Variants in ZEB2 observed in about 807,000 individuals in gnomAD.
ZEB2 encodes the protein zinc finger E-box-binding homeobox 2.
A neutral mutation model predicts 99.9 loss-of-function variants in ZEB2; 6 were observed. The observed-to-expected ratio is 0.06, with a 90% confidence interval of 0.03 to 0.12. The LOEUF (loss-of-function observed/expected upper bound fraction) is 0.12. Among genes scored for constraint, ZEB2 ranks in the 10% least tolerant of loss-of-function variants. The pLI, the probability that ZEB2 is intolerant of heterozygous loss-of-function variation, is 1.00. For missense variants in ZEB2, 969 were observed against 1,502.8 expected (o/e 0.64, Z 5.87); for synonymous variants, 517 against 542.5 (o/e 0.95, Z 0.65).
At chr2:144,425,220 T>G (rs1266893647) in intron 3 of ZEB2, among the ~76,000 whole-genome samples, 1 of 152,332 alleles carries the variant, frequency 6.6e-6, no homozygotes, top group South Asian at 2.1e-4. Context: ...AGAGGCATGC[T>G]GGCTGCTATG....
chr2:144,513,820 A>C (rs867129823), intron 2 of ZEB2: 1 of 1,535,916 alleles, frequency 6.5e-7, no homozygotes, highest in Middle Eastern at 1.7e-4. Flanking sequence ...AGTGGGGTAT[A>C]ATCAGGGGAA....
chr2:144,458,185 A>C (rs1296295663), intron 2 of ZEB2, among the ~76,000 whole-genome samples: 1 of 151,980 alleles, frequency 6.6e-6, no homozygotes, highest in Non-Finnish European at 1.5e-5. Context: ...ACCACCACAC[A>C]ACTTCACACT....
Position 144,398,525 on chromosome 2 carries a change from G to A in ZEB2, c.2662C>T (p.Pro888Ser). ...GTGTATAAAGGTTTGGCACTAAATG[G>A]GTTCATGCTGAACACTGGGTTAGTG... ...KSTNPVFSMN[P>S]FSAKPLYTAL... Residue 888 changes from proline to serine, a missense_variant, in exon 8 of 10, where the codon CCA becomes TCA. Transcript: ENST00000627532. 2 of 1,613,980 alleles carry A rather than the reference G, an allele frequency of 1.2e-6. No individual in the cohort carries two copies. The highest frequency in any genetic ancestry group is 8.5e-7 in the Non-Finnish European group (1 of 1,179,984).
chr2:144,468,322 C>T (rs556750316), intron 2 of ZEB2, among the ~76,000 whole-genome samples: 41 of 152,224 alleles, frequency 2.7e-4, no homozygotes, highest in African/African-American at 9.9e-4. Context: ...CTAAGTTGGA[C>T]ACAAAAAGCA....
intron 7 of ZEB2, 142 bp downstream of exon 7, chr2:144,401,057 C>G (rs1703302882): frequency 2.6e-6 from 2 of 769,830 alleles, no homozygotes; most frequent in South Asian, 2.9e-5. Flanking sequence ...CTCATGAACA[C>G]AAATCAGGCA....
In ZEB2 at chr2:144,399,965, C is replaced by T. The variant is rs770190727; in HGVS notation, c.1222G>A (p.Gly408Arg). The T allele has an allele frequency of 9.3e-6, 15 of 1,614,194 alleles. No individual in the cohort carries two copies. The highest frequency in any genetic ancestry group is 1.7e-5 in the Admixed American group (1 of 60,022). ...NDYKVLMATH[G>R]FSGTSPFMNG... ...ATAAAGGGACTAGTGCCACTAAACC[C>T]GTGTGTAGCCATAAGAACTTTATAG... The change falls in exon 8 of 10, where the codon GGG becomes AGG. Residue 408 changes from glycine to arginine, a missense_variant. Physicochemically the swap from Gly to Arg is moderately radical, Grantham distance 125. This residue lies in a region of ZEB2 where 227 missense variants were observed against 278.2 expected (regional missense o/e 0.82). Coordinates refer to ENST00000627532, the MANE Select transcript of ZEB2 (RefSeq NM_014795.4). The surrounding 1 kb of genome is among the most constrained non-coding windows in gnomAD (Gnocchi z 5.6).
At chr2:144,426,792 C>T (rs1703695796) in intron 3 of ZEB2, 1 of 152,174 alleles carries the variant, frequency 6.6e-6, no homozygotes, top group Non-Finnish European at 1.5e-5. Flanking sequence ...CTTTGATTCA[C>T]TGAGCATCAA....
At chr2:144,407,561 C>A (rs988227) in intron 4 of ZEB2, among the ~76,000 whole-genome samples, 151,729 of 152,348 alleles carry the variant, frequency 1, 75,559 homozygotes, top group East Asian at 1. Flanking sequence ...TCAGATCTAT[C>A]AAAAAATCAC....
At chr2:144,515,331 T>C (rs1705114688) in intron 2 of ZEB2, among the ~76,000 whole-genome samples, 1 of 152,080 alleles carries the variant, frequency 6.6e-6, no homozygotes, top group South Asian at 2.1e-4. Flanking sequence ...ACAACAGACA[T>C]TGATTTTAGA....
At chr2:144,481,647 T>C (rs1704514527) in intron 2 of ZEB2, among the ~76,000 whole-genome samples, 1 of 152,184 alleles carries the variant, frequency 6.6e-6, no homozygotes, top group African/African-American at 2.4e-5. Context: ...ACAAAAAATT[T>C]TTGATGTGAA....
At chr2:144,435,298 T>C (rs1703822801) in intron 2 of ZEB2, among the ~76,000 whole-genome samples, 1 of 152,128 alleles carries the variant, frequency 6.6e-6, no homozygotes, top group African/African-American at 2.4e-5. Context: ...GCTGGTAATA[T>C]GACTTCAAAT....
intron 2 of ZEB2, among the ~76,000 whole-genome samples, chr2:144,443,717 TTTG>T (rs1488880840): frequency 6.6e-6 from 1 of 152,218 alleles, no homozygotes; most frequent in African/African-American, 2.4e-5. Context: ...CACCACAGTA[TTTG>T]TTCTCACAGA....
At chr2:144,409,164 C>T (rs1271094351) in intron 4 of ZEB2, among the ~76,000 whole-genome samples, 1 of 151,972 alleles carries the variant, frequency 6.6e-6, no homozygotes, top group Non-Finnish European at 1.5e-5. Flanking sequence ...TTCCGTGAGC[C>T]AAGAAACTTC....
intron 2 of ZEB2, among the ~76,000 whole-genome samples, chr2:144,434,732 A>G (rs1403163967): frequency 6.6e-6 from 1 of 152,198 alleles, no homozygotes. Context: ...GAGTTATAGA[A>G]GCCTACCAAT....
rs767646648 is a variant in ZEB2, at chr2:144,404,947, C to T, written c.481G>A (p.Val161Ile). Residue 161 changes from valine (V) to isoleucine (I), a missense_variant, in exon 5 of 10, where the codon GTC (valine) becomes ATC (isoleucine). This residue lies in a region of ZEB2 where 173 missense variants were observed against 217.7 expected (regional missense o/e 0.79). Transcript: ENST00000627532. ...CGCTGAAGGTACTCCTCGATGCTGA[C>T]TGCATGACCATCGCGTTCCTCCAGT... ...RKLEERDGHA[V>I]SIEEYLQRSD... 3.1e-6 allele frequency: 5 copies of T among 1,614,140 alleles called. No homozygotes were observed. In the African/African-American group the frequency reaches 6.7e-5, roughly 22 times the overall value.
At chr2:144,480,062 A>C (rs1282332759) in intron 2 of ZEB2, among the ~76,000 whole-genome samples, 1 of 152,166 alleles carries the variant, frequency 6.6e-6, no homozygotes, top group Non-Finnish European at 1.5e-5. Context: ...CAACGAATAA[A>C]ATACACTCTG....
intron 2 of ZEB2, among the ~76,000 whole-genome samples, chr2:144,448,548 G>A (rs1228243555): frequency 2.0e-5 from 3 of 152,164 alleles, no homozygotes; most frequent in Non-Finnish European, 4.4e-5. Context: ...GCTAAAAAGG[G>A]CCTTTATGGT....
At chr2:144,496,684 C>T (rs1704764318) in intron 2 of ZEB2, 2 of 152,254 alleles carry the variant, frequency 1.3e-5, no homozygotes, top group South Asian at 4.1e-4. Flanking sequence ...CTTTCTAAAC[C>T]TTAATTTCCT....
At chr2:144,509,881 C>A (rs527942077) in intron 2 of ZEB2, among the ~76,000 whole-genome samples, 2 of 152,076 alleles carry the variant, frequency 1.3e-5, no homozygotes, top group Non-Finnish European at 2.9e-5. Context: ...GGTCTGCCTG[C>A]GAGGGTTTAA....
Sources: gnomAD v4.1 joint callset for allele counts (sites outside exome capture counted in the v4.1 genomes callset) on GRCh38, gnomAD v4.1.1 for gene constraint, gnomAD v4.1.1 regional missense constraint, Gnocchi (gnomAD v3.1) non-coding constraint, MANE v1.5 for transcripts, NCBI Gene and HGNC (gene_info 2026-07-23, HGNC 2026-07-21) for gene names.